SLC35F3: variants seen among roughly 807,000 people sequenced by gnomAD.
SLC35F3 encodes putative thiamine transporter SLC35F3.
A neutral mutation model predicts 49.9 loss-of-function variants in SLC35F3; 25 were observed. The observed-to-expected ratio is 0.50, with a 90% CI of 0.37 to 0.70. The LOEUF (loss-of-function observed/expected upper bound fraction) is 0.70. Among genes scored for constraint, SLC35F3 ranks in the 30% least tolerant of loss-of-function variants. The pLI, the probability that SLC35F3 is intolerant of heterozygous loss-of-function variation, is 0.00. For synonymous variants in SLC35F3, 275 were observed against 265.4 expected (o/e 1.04, Z -0.35); for missense variants, 525 against 639.8 (o/e 0.82, Z 1.94).
intron 2 of SLC35F3, among the ~76,000 whole-genome samples, chr1:234,130,936 TA>T (rs199697362): frequency 8.1e-6 from 1 of 124,074 alleles, no homozygotes; most frequent in Non-Finnish European, 2.0e-5. Context: ...ATAGAATGGA[TA>T]AAAAAAATTT....
intron 2 of SLC35F3, among the ~76,000 whole-genome samples, chr1:234,133,329 C>T (rs6691064): frequency 0.079 from 11,958 of 152,184 alleles, 784 homozygotes; most frequent in African/African-American, 0.18. Context: ...AATGAAATGT[C>T]TCTTAAATTC....
chr1:234,267,577 G>A lies in SLC35F3; in HGVS notation c.608+35836G>A, dbSNP rs533917273. Among the ~76,000 whole-genome samples the A allele has an allele frequency of 4.0e-5, 6 of 150,818 alleles. No individual in the cohort carries two copies. The South Asian group carries it at 1.2e-3, about 31-fold the overall frequency. On this transcript the variant is annotated intron_variant, in intron 3 of 7. Coordinates refer to ENST00000366618, the MANE Select transcript of SLC35F3 (RefSeq NM_173508.4). ...GAGGGGTCCTCACTTCCCAGTAGGG[G>A]CGGCCGGGCAGAGGCACCCCTCACC... is the stretch of plus-strand genomic sequence containing the variant.
chr1:234,253,470 G>A (rs938327361), intron 3 of SLC35F3, among the ~76,000 whole-genome samples: 3 of 151,388 alleles, frequency 2.0e-5, no homozygotes, highest in African/African-American at 7.3e-5. Context: ...AAAAAAAAAG[G>A]AGAATAGATA....
At chr1:233,915,444 G>A (rs1414735779) in intron 2 of SLC35F3, among the ~76,000 whole-genome samples, 1 of 152,190 alleles carries the variant, frequency 6.6e-6, no homozygotes, top group African/African-American at 2.4e-5. Context: ...TACTCTGGAG[G>A]CTGAGGTGGG....
chr1:233,922,932 A>G (rs914832785), intron 2 of SLC35F3, among the ~76,000 whole-genome samples: 5 of 152,072 alleles, frequency 3.3e-5, no homozygotes, highest in Non-Finnish European at 7.4e-5. Context: ...TGTTTTTGTC[A>G]GGTTTGTCAA....
At chr1:234,216,526 C>G (rs945194390) in intron 2 of SLC35F3, among the ~76,000 whole-genome samples, 3 of 152,182 alleles carry the variant, frequency 2.0e-5, no homozygotes, top group Non-Finnish European at 4.4e-5. Context: ...ACCAACCCCC[C>G]AAAAAGTCCC....
intron 3 of SLC35F3, among the ~76,000 whole-genome samples, chr1:234,262,371 T>A (rs1667918516): frequency 6.6e-6 from 1 of 152,196 alleles, no homozygotes; most frequent in South Asian, 2.1e-4. Context: ...GTAACAAGCT[T>A]GTTTGATATG....
chr1:234,040,220 C>T (rs547885679), intron 2 of SLC35F3, among the ~76,000 whole-genome samples: 33 of 152,202 alleles, frequency 2.2e-4, no homozygotes, highest in African/African-American at 7.5e-4. Context: ...TGCCTCTCTC[C>T]GATGTCCAGC....
At position 233,957,228 on chromosome 1, in the gene SLC35F3, A is replaced by G. The variant is rs1253244851; in HGVS notation, c.283+51470A>G. Among the ~76,000 whole-genome samples the G allele has an allele frequency of 1.3e-5, 2 of 152,142 alleles. No individual in the cohort carries two copies. Among genetic ancestry groups the G allele is most frequent in the African/African-American group, 4.8e-5 (2 of 41,438 alleles). Reference sequence around the variant, plus strand: ...GAGATTGTTTTATGTCAGATATGAAATTGGATTTTTGAACTGGACTGAAAT... The same window carrying G: ...GAGATTGTTTTATGTCAGATATGAAGTTGGATTTTTGAACTGGACTGAAAT... On this transcript the variant is annotated intron_variant, in intron 2 of 7. Coordinates refer to ENST00000366618, the MANE Select transcript of SLC35F3 (RefSeq NM_173508.4). This position sits in a 1 kb window ranked among gnomAD's most constrained non-coding sequence, Gnocchi z 4.0.
At chr1:234,140,002 A>AATAAAATAAAAAAAATAAAATAAT in intron 2 of SLC35F3, among the ~76,000 whole-genome samples, 1 of 105,368 alleles carries the variant, frequency 9.5e-6, no homozygotes, top group Admixed American at 9.0e-5. Flanking sequence ...AATAAAATAA[A>AATAAAATAAAAAAAATAAAATAAT]GTAAGTGACT....
intron 2 of SLC35F3, among the ~76,000 whole-genome samples, chr1:234,029,264 G>C (rs1664022773): frequency 6.6e-6 from 1 of 152,150 alleles, no homozygotes. Flanking sequence ...GTGGCTGGGA[G>C]TGGGGTCAGC....
At chr1:234,261,232 T>C (rs2102968397) in intron 3 of SLC35F3, among the ~76,000 whole-genome samples, 1 of 152,104 alleles carries the variant, frequency 6.6e-6, no homozygotes, top group South Asian at 2.1e-4. Flanking sequence ...TGAAAGCAAG[T>C]TTATTAAGAA....
chr1:234,039,974 G>T (rs1237721367), intron 2 of SLC35F3, among the ~76,000 whole-genome samples: 1 of 146,702 alleles, frequency 6.8e-6, no homozygotes, highest in Admixed American at 6.6e-5. Flanking sequence ...TGAGGGCAAA[G>T]GACCAGTTTG....
intron 2 of SLC35F3, among the ~76,000 whole-genome samples, chr1:234,106,907 A>T (rs900000117): frequency 5.3e-5 from 8 of 152,212 alleles, no homozygotes; most frequent in African/African-American, 1.7e-4. Flanking sequence ...CCACCAAACC[A>T]ACCCTGGAGC....
intron 2 of SLC35F3, among the ~76,000 whole-genome samples, chr1:234,137,138 A>G (rs970628746): frequency 6.6e-6 from 1 of 152,240 alleles, no homozygotes; most frequent in South Asian, 2.1e-4. Context: ...AGATGCATGC[A>G]CACGTACCTG....
At position 234,064,925 on chromosome 1, in the gene SLC35F3, A is replaced by G. The variant is rs560824962; in HGVS notation, c.283+159167A>G. Among the ~76,000 whole-genome samples, 19 of 152,336 alleles carry G rather than the reference A, an allele frequency of 1.2e-4. No individual in the cohort carries two copies. The South Asian group carries it at 3.9e-3, about 32-fold the overall frequency. On this transcript the variant is annotated intron_variant, in intron 2 of 7. Transcript: ENST00000366618. ...GGATATTCTGAAGGGTCATGATCAAAGTACTGAAGACTATTTTCTTTTATA... is the reference window on the plus strand; with the variant it reads ...GGATATTCTGAAGGGTCATGATCAAGGTACTGAAGACTATTTTCTTTTATA...
chr1:234,035,988 G>A (rs756334830), intron 2 of SLC35F3, among the ~76,000 whole-genome samples: 2 of 152,158 alleles, frequency 1.3e-5, no homozygotes, highest in Non-Finnish European at 2.9e-5. Flanking sequence ...TAGGAGCAGG[G>A]CACTATAAAG....
intron 2 of SLC35F3, among the ~76,000 whole-genome samples, chr1:234,124,628 A>G (rs555634154): frequency 6.6e-6 from 1 of 152,166 alleles, no homozygotes; most frequent in East Asian, 1.9e-4. Flanking sequence ...GTGCTTTGGG[A>G]GGCTGCGGTG....
chr1:234,123,236 T>A (rs1044512817), intron 2 of SLC35F3, among the ~76,000 whole-genome samples: 2 of 152,224 alleles, frequency 1.3e-5, no homozygotes, highest in Admixed American at 6.5e-5. Context: ...TGAGCTTTTT[T>A]TCATGTTTGT....
Sources: allele counts gnomAD v4.1 joint callset (sites outside exome capture counted in the v4.1 genomes callset), GRCh38; gene constraint gnomAD v4.1.1; non-coding constraint Gnocchi (gnomAD v3.1); transcripts MANE v1.5; gene names NCBI Gene and HGNC (gene_info 2026-07-23, HGNC 2026-07-21).